Variants in ATP10A observed in about 807,000 individuals in gnomAD.
ATP10A encodes the protein ATPase phospholipid transporting 10A (putative).
In ATP10A, 111 loss-of-function variants were observed where a neutral mutation model predicts 147.8. The ratio of observed to expected loss-of-function variants is 0.75; its 90% CI spans 0.64 to 0.88. ATP10A has a LOEUF of 0.88. Among genes scored for constraint, ATP10A ranks in the 40% least tolerant of loss-of-function variants. The probability of loss-of-function intolerance (pLI) is 0.00; values close to 1 mark genes in which losing one functional copy is unlikely to be tolerated. For missense variants in ATP10A, 1,927 were observed against 1,959.0 expected, an observed-to-expected ratio of 0.98 and a Z score of 0.31; for synonymous variants, 875 against 841.6, an observed-to-expected ratio of 1.04 and a Z score of -0.69.
At chr15:25,829,687 T>A (rs1892270287) in intron 1 of ATP10A, among the ~76,000 whole-genome samples, 1 of 152,046 alleles carries the variant, frequency 6.6e-6, no homozygotes, top group Non-Finnish European at 1.5e-5. Flanking sequence ...GTGCCTGAAC[T>A]AGGCAGGAGC....
downstream of ATP10A, among the ~76,000 whole-genome samples, chr15:25,675,852 A>G (rs975515676): frequency 2.0e-5 from 3 of 152,200 alleles, no homozygotes; most frequent in East Asian, 5.8e-4. Flanking sequence ...AGGCTAAGGC[A>G]GGAGGACCCT....
chr15:25,683,748 C>T (rs147082527), intron 16 of ATP10A: 15 of 510,584 alleles, frequency 2.9e-5, no homozygotes, highest in Middle Eastern at 5.3e-4. Flanking sequence ...GCAGCACTTG[C>T]GGGGATGAGA....
intron 13 of ATP10A, among the ~76,000 whole-genome samples, chr15:25,697,854 T>A (rs1376846964): frequency 1.3e-5 from 2 of 152,302 alleles, no homozygotes; most frequent in Non-Finnish European, 2.9e-5. Context: ...TGATAGGATA[T>A]GATGAAAATG....
At chr15:25,778,793 T>C (rs1889751610) in intron 2 of ATP10A, among the ~76,000 whole-genome samples, 1 of 152,134 alleles carries the variant, frequency 6.6e-6, no homozygotes, top group Admixed American at 6.5e-5. Context: ...CTGCAGTTAT[T>C]GTTTGGGTAA....
intron 16 of ATP10A, among the ~76,000 whole-genome samples, chr15:25,687,034 G>A (rs1482995073): frequency 9.3e-6 from 1 of 107,666 alleles, no homozygotes; most frequent in Non-Finnish European, 1.7e-5. Context: ...TGGGAGGTGG[G>A]AGAGGGTGGG....
chr15:25,708,124 G>C (rs1901157351), intron 11 of ATP10A, 22 bp from the exon 12 acceptor site: 1 of 1,613,238 alleles, frequency 6.2e-7, no homozygotes, highest in Non-Finnish European at 8.5e-7. Flanking sequence ...ACATTGTTGA[G>C]TGCTGCACCG....
intron 2 of ATP10A, among the ~76,000 whole-genome samples, chr15:25,757,337 T>A (rs907779675): frequency 5.9e-5 from 9 of 152,028 alleles, no homozygotes; most frequent in Admixed American, 1.3e-4. Flanking sequence ...TTTCCTAGCT[T>A]TTCACAAAAA....
At chr15:25,703,209 T>G (rs1433244962) in intron 12 of ATP10A, among the ~76,000 whole-genome samples, 1 of 151,966 alleles carries the variant, frequency 6.6e-6, no homozygotes, top group East Asian at 1.9e-4. Flanking sequence ...AATACAAAAA[T>G]TACCTGGGCG....
chr15:25,851,788 C>A (rs932311483), intron 1 of ATP10A, among the ~76,000 whole-genome samples: 5 of 152,128 alleles, frequency 3.3e-5, no homozygotes, highest in African/African-American at 1.2e-4. Flanking sequence ...AGTGTCTTAG[C>A]AATGTGGACA....
intron 1 of ATP10A, among the ~76,000 whole-genome samples, chr15:25,814,948 C>T (rs1460510978): frequency 2.0e-5 from 3 of 152,070 alleles, no homozygotes; most frequent in Non-Finnish European, 4.4e-5. Context: ...ATGGTGTGTA[C>T]CTTATAAATA....
Position 25,679,956 on chromosome 15 carries a change from G to C in ATP10A, c.3885C>G (p.Leu1295=). Residue 1295 remains leucine, a synonymous_variant, in exon 21 of 21, where the codon CTC becomes CTG. Coordinates refer to ENST00000555815, the MANE Select transcript of ATP10A (RefSeq NM_024490.4). Reference sequence around the variant, plus strand: ...GTTGTGTGGGGAAAACCCTCCCCTGGAGGGATCTGAAAAACAATCTAGAAA... The same window carrying C: ...GTTGTGTGGGGAAAACCCTCCCCTGCAGGGATCTGAAAAACAATCTAGAAA... The part of the protein sequence containing the change: ...ALLPRLFFRS[L]QGRVFPTQLQ... The C allele has an allele frequency of 6.3e-7, 1 of 1,596,600 alleles. No individual in the cohort carries two copies. The highest frequency in any genetic ancestry group is 1.1e-5 in the South Asian group (1 of 90,482).
intron 2 of ATP10A, among the ~76,000 whole-genome samples, chr15:25,767,669 C>T (rs938122064): frequency 3.3e-5 from 5 of 152,206 alleles, no homozygotes; most frequent in African/African-American, 1.2e-4. Context: ...GAGCCCAGGC[C>T]TTTGGGACTT....
intron 2 of ATP10A, among the ~76,000 whole-genome samples, chr15:25,744,332 G>A (rs926377745): frequency 3.9e-5 from 6 of 152,112 alleles, no homozygotes; most frequent in African/African-American, 1.4e-4. Context: ...ATATATGTGT[G>A]TCTGTGTGTG....
At chr15:25,779,502 C>A (rs2060323642) in intron 2 of ATP10A, among the ~76,000 whole-genome samples, 1 of 151,888 alleles carries the variant, frequency 6.6e-6, no homozygotes, top group African/African-American at 2.4e-5. Flanking sequence ...GGAGACGGGG[C>A]CAGGCCTAGG....
chr15:25,804,353 C>T (rs1042897737), intron 1 of ATP10A, among the ~76,000 whole-genome samples: 5 of 147,064 alleles, frequency 3.4e-5, no homozygotes, highest in African/African-American at 1.3e-4. Flanking sequence ...TATGATGTGA[C>T]GCTGTGTTTG....
chr15:25,730,301 C>CAAAAAAAAA (rs763070472), intron 3 of ATP10A, among the ~76,000 whole-genome samples: 95 of 9,110 alleles, frequency 0.01, 1 homozygote, highest in African/African-American at 0.019. Flanking sequence ...GACTCTGTCT[C>CAAAAAAAAA]AAAAAAAAAA....
intron 2 of ATP10A, among the ~76,000 whole-genome samples, chr15:25,769,458 G>A (rs1011650825): frequency 8.1e-6 from 1 of 122,706 alleles, no homozygotes; most frequent in East Asian, 2.6e-4. Context: ...CTGCACTCCA[G>A]CCTGGGTGAC....
Position 25,714,130 on chromosome 15 carries a change from C to T in ATP10A, c.1888G>A (p.Ala630Thr), listed in dbSNP as rs1439938890. 6 of 1,612,294 alleles carry T rather than the reference C, an allele frequency of 3.7e-6. No individual in the cohort carries two copies. The highest frequency in any genetic ancestry group is 1.7e-5 in the Admixed American group (1 of 60,014). Reference protein sequence around the residue: ...SGCSSIGSLAANKSSHKLGSS... With the variant: ...SGCSSIGSLATNKSSHKLGSS... ...CCCAACTTGTGGCTGGACTTGTTGGCGGCCAGGCTCCCGATGCTGCTGCAG... is the reference window on the plus strand; with the variant it reads ...CCCAACTTGTGGCTGGACTTGTTGGTGGCCAGGCTCCCGATGCTGCTGCAG... The change falls in exon 10 of 21, where the codon GCC becomes ACC. Residue 630 changes from alanine (A) to threonine (T), a missense_variant. Transcript: ENST00000555815.
At chr15:25,803,159 A>G (rs11630496) in intron 1 of ATP10A, among the ~76,000 whole-genome samples, 41,205 of 151,902 alleles carry the variant, frequency 0.27, 6,604 homozygotes, top group African/African-American at 0.45. Context: ...GAGGAGGGAG[A>G]CGGGTAATAA....
Sources: gnomAD v4.1 joint callset for allele counts (sites outside exome capture counted in the v4.1 genomes callset) on GRCh38, gnomAD v4.1.1 for gene constraint, MANE v1.5 for transcripts, NCBI Gene and HGNC (gene_info 2026-07-23, HGNC 2026-07-21) for gene names.